CNTN4: variants seen among roughly 807,000 people sequenced by gnomAD.
CNTN4 encodes the protein contactin 4.
CNTN4 carries 77 observed loss-of-function variants against 122.5 expected under a neutral mutation model. The ratio of observed to expected loss-of-function variants is 0.63; its 90% CI spans 0.52 to 0.76. The LOEUF is 0.76. Ranked by LOEUF, CNTN4 falls within the 30% of genes least tolerant of loss-of-function variation. CNTN4 has a pLI of 0.00. For missense variants in CNTN4, 1,256 were observed against 1,259.1 expected (o/e 1.00, Z 0.04); for synonymous variants, 512 against 447.0 (o/e 1.15, Z -1.83).
chr3:2,169,503 T>C, intron 2 of CNTN4, among the ~76,000 whole-genome samples: 1 of 149,028 alleles, frequency 6.7e-6, no homozygotes, highest in East Asian at 2.1e-4. Context: ...GCCTCCCGGG[T>C]TCCCGCCATT....
At chr3:2,466,995 C>T (rs2075524486) in intron 3 of CNTN4, among the ~76,000 whole-genome samples, 1 of 123,556 alleles carries the variant, frequency 8.1e-6, no homozygotes, top group South Asian at 2.4e-4. Flanking sequence ...TTTGCATTTC[C>T]AGCTGCCAAA....
intron 2 of CNTN4, among the ~76,000 whole-genome samples, chr3:2,160,543 A>G (rs539233923): frequency 1.1e-4 from 17 of 152,300 alleles, no homozygotes; most frequent in Non-Finnish European, 1.8e-4. Flanking sequence ...TAAGTGATAG[A>G]TTCCACATCA....
At chr3:2,438,378 C>T (rs1439934374) in intron 3 of CNTN4, among the ~76,000 whole-genome samples, 2 of 152,032 alleles carry the variant, frequency 1.3e-5, no homozygotes, top group African/African-American at 2.4e-5. Flanking sequence ...AAAAATTAGC[C>T]AGGCATGGCG....
intron 4 of CNTN4, among the ~76,000 whole-genome samples, chr3:2,619,265 A>G (rs182641924): frequency 6.6e-6 from 1 of 152,356 alleles, no homozygotes; most frequent in East Asian, 1.9e-4. Context: ...ATCAGGATCA[A>G]ATGTAAATGA....
Position 2,895,817 on chromosome 3 carries a change from A to C in CNTN4, c.941-4868A>C, listed in dbSNP as rs55760357. 4.6e-5 allele frequency among the ~76,000 whole-genome samples: 7 copies of C among 152,202 alleles called. No individual in the cohort carries two copies. The East Asian group carries it at 5.8e-4, about 13-fold the overall frequency. On this transcript the variant is annotated intron_variant, in intron 10 of 24. Transcript: ENST00000418658. ...TGGGAGGCCGAGGCGGGCGGATCAC[A>C]AGGTCAGGAGATCGAGACCATCCTG...
intron 13 of CNTN4, among the ~76,000 whole-genome samples, chr3:2,950,773 C>T (rs1048032316): frequency 2.0e-5 from 3 of 152,306 alleles, no homozygotes; most frequent in Admixed American, 2.0e-4. Context: ...TCCTGAATCC[C>T]AAGATAATCT....
intron 2 of CNTN4, among the ~76,000 whole-genome samples, chr3:2,105,440 C>T (rs2032358564): frequency 3.9e-5 from 6 of 152,190 alleles, no homozygotes; most frequent in Admixed American, 3.3e-4. Context: ...TCAATTCACT[C>T]AGTTCCGCAT....
At chr3:2,150,650 G>A (rs2035457040) in intron 2 of CNTN4, among the ~76,000 whole-genome samples, 1 of 152,132 alleles carries the variant, frequency 6.6e-6, no homozygotes, top group African/African-American at 2.4e-5. Flanking sequence ...TTTTCTTATT[G>A]AGGAAATTAG....
intron 2 of CNTN4, among the ~76,000 whole-genome samples, chr3:2,119,283 C>T (rs942953456): frequency 3.3e-5 from 5 of 152,174 alleles, no homozygotes; most frequent in African/African-American, 1.2e-4. Flanking sequence ...CTTGGTGTGT[C>T]TCTTTCTTTC....
chr3:2,342,639 A>T (rs1685490), intron 3 of CNTN4, among the ~76,000 whole-genome samples: 55,465 of 151,820 alleles, frequency 0.37, 10,484 homozygotes, highest in African/African-American at 0.44. Flanking sequence ...ATCTGATAGT[A>T]TTAGAAGGGT....
At chr3:2,134,202 T>A (rs1235367680) in intron 2 of CNTN4, among the ~76,000 whole-genome samples, 3 of 152,208 alleles carry the variant, frequency 2.0e-5, no homozygotes, top group Non-Finnish European at 4.4e-5. Flanking sequence ...AAGGAAATTG[T>A]CCTCCTATTA....
intron 4 of CNTN4, among the ~76,000 whole-genome samples, chr3:2,609,063 AC>A (rs1471350808): frequency 6.6e-6 from 1 of 152,210 alleles, no homozygotes; most frequent in Non-Finnish European, 1.5e-5. Flanking sequence ...CTGTGGAAAC[AC>A]TGATTTTTCT....
intron 2 of CNTN4, among the ~76,000 whole-genome samples, chr3:2,230,616 G>A (rs1686455948): frequency 6.6e-6 from 1 of 152,050 alleles, no homozygotes; most frequent in African/African-American, 2.4e-5. Flanking sequence ...GCACCCACGG[G>A]TACATACAAA....
chr3:2,129,224 T>G (rs1307749849), intron 2 of CNTN4, among the ~76,000 whole-genome samples: 3 of 129,560 alleles, frequency 2.3e-5, no homozygotes, highest in African/African-American at 5.9e-5. Context: ...GTGATACTAT[T>G]AAGATCCCAT....
At chr3:3,008,563 T>A (rs904619919) in intron 14 of CNTN4, among the ~76,000 whole-genome samples, 13 of 152,242 alleles carry the variant, frequency 8.5e-5, no homozygotes, top group African/African-American at 2.9e-4. Flanking sequence ...GTGATTTCAC[T>A]ACTTCGTCTC....
chr3:2,859,596 G>T (rs1412369264), intron 7 of CNTN4, among the ~76,000 whole-genome samples: 1 of 150,978 alleles, frequency 6.6e-6, no homozygotes, highest in Non-Finnish European at 1.5e-5. Context: ...ACTGACTCCA[G>T]ATCTAGGCAA....
intron 7 of CNTN4, among the ~76,000 whole-genome samples, chr3:2,822,418 A>G (rs576504100): frequency 5.6e-4 from 85 of 152,338 alleles, no homozygotes; most frequent in Middle Eastern, 3.4e-3. Flanking sequence ...TTGTTTATCA[A>G]GTGTGTTTGC....
At chr3:2,209,109 G>A (rs890680027) in intron 2 of CNTN4, among the ~76,000 whole-genome samples, 1 of 152,140 alleles carries the variant, frequency 6.6e-6, no homozygotes, top group African/African-American at 2.4e-5. Flanking sequence ...AAATCTCAGT[G>A]TATTAACACA....
chr3:2,981,333 A>G (rs1211439151), intron 13 of CNTN4, among the ~76,000 whole-genome samples: 1 of 151,598 alleles, frequency 6.6e-6, no homozygotes, highest in Non-Finnish European at 1.5e-5. Context: ...AGTCCCAGCT[A>G]CTCGGGAGGC....
Sources: allele counts gnomAD v4.1 joint callset (sites outside exome capture counted in the v4.1 genomes callset), GRCh38; gene constraint gnomAD v4.1.1; transcripts MANE v1.5; gene names NCBI Gene and HGNC (gene_info 2026-07-23, HGNC 2026-07-21).